Variants in PCDHA7 observed in about 807,000 individuals in gnomAD.
PCDHA7 encodes the protein protocadherin alpha-7.
A neutral mutation model predicts 57.2 loss-of-function variants in PCDHA7; 37 were observed. The observed-to-expected ratio is 0.65, with a 90% CI of 0.50 to 0.85. PCDHA7 has a LOEUF of 0.85. PCDHA7 is among the 40% of genes least tolerant of loss of function. PCDHA7 has a pLI of 0.00. For missense variants in PCDHA7, 1,188 were observed against 1,241.8 expected (o/e 0.96, Z 0.65); for synonymous variants, 553 against 558.8 (o/e 0.99, Z 0.15).
Position 140,835,509 on chromosome 5 carries a change from G to A in PCDHA7, c.1126G>A (p.Asp376Asn). ...GTVITLISVF[D>N]RDFGVNGQVT... Reference sequence around the variant, plus strand: ...CGTCATCACATTGATTAGCGTGTTTGACCGAGATTTTGGAGTCAACGGACA... The same window carrying A: ...CGTCATCACATTGATTAGCGTGTTTAACCGAGATTTTGGAGTCAACGGACA... The change falls in exon 1 of 4, where the codon GAC becomes AAC. Residue 376 changes from aspartate to asparagine, a missense_variant. Physicochemically the swap from Asp to Asn is conservative, Grantham distance 23. Around this residue, in one of 3 missense-constraint regions of PCDHA7, gnomAD observed 892 missense variants for 788.5 expected, o/e 1.13. Transcript: ENST00000525929. The A allele has an allele frequency of 6.2e-7, 1 of 1,613,944 alleles. No homozygotes were observed. The highest frequency in any genetic ancestry group is 8.5e-7 in the Non-Finnish European group (1 of 1,179,882).
chr5:140,979,157 A>G (rs2096837413), intron 2 of PCDHA7, 150 bp downstream of exon 2: 9 of 1,429,186 alleles, frequency 6.3e-6, no homozygotes, highest in Non-Finnish European at 8.3e-6. Context: ...CCCCATGTTT[A>G]TTCCTTGAAA....
intron 1 of PCDHA7, chr5:140,881,421 C>G: frequency 1.1e-6 from 1 of 907,614 alleles, no homozygotes; most frequent in South Asian, 5.1e-5. Context: ...GATATTAGTT[C>G]CAGGCATATT....
intron 1 of PCDHA7, among the ~76,000 whole-genome samples, chr5:140,947,975 A>G (rs572156919): frequency 5.8e-4 from 87 of 150,726 alleles, no homozygotes; most frequent in African/African-American, 1.9e-3. Context: ...TGTGCTACTC[A>G]TAGGTTTTTC....
chr5:140,890,724 CT>C (rs2062771629), intron 1 of PCDHA7, among the ~76,000 whole-genome samples: 2 of 152,108 alleles, frequency 1.3e-5, no homozygotes, highest in African/African-American at 2.4e-5. Context: ...TTTTTAATCC[CT>C]TTTGACTTAT....
At chr5:140,982,364 T>A in intron 2 of PCDHA7, 111 bp from the exon 3 acceptor site, 1 of 1,534,660 alleles carries the variant, frequency 6.5e-7, no homozygotes, top group Non-Finnish European at 8.8e-7. Flanking sequence ...ATGAGCAGAA[T>A]GTGTTAGCTG....
chr5:140,968,942 T>C (rs782129541), intron 1 of PCDHA7: 2 of 1,614,214 alleles, frequency 1.2e-6, no homozygotes, highest in South Asian at 2.2e-5. Context: ...AATCATCATT[T>C]TGAGCATCAT....
Position 140,856,863 on chromosome 5 carries a change from T to C in PCDHA7, c.2355+20125T>C. 4 of 1,595,256 alleles carry C rather than the reference T, an allele frequency of 2.5e-6. 1 individual carries two copies. Among genetic ancestry groups the C allele is most frequent in the Non-Finnish European group, 3.4e-6 (4 of 1,165,176 alleles). ...AACGCTTCTGATTCGGATGAAGGAA[T>C]AAACAAGGAAATGATGTATTCATTT... On this transcript the variant is annotated intron_variant, in intron 1 of 3. Transcript: ENST00000525929.
chr5:140,876,498 C>T, intron 1 of PCDHA7: 4 of 1,613,918 alleles, frequency 2.5e-6, no homozygotes, highest in Non-Finnish European at 2.5e-6. Flanking sequence ...AAGTTCTGGA[C>T]GTGAATGACA....
chr5:141,009,955 A>G lies in PCDHA7; in HGVS notation c.*18A>G, dbSNP rs782282264. 6.3e-7 allele frequency: 1 copy of G among 1,592,418 alleles called. No individual in the cohort carries two copies. Among genetic ancestry groups the G allele is most frequent in the African/African-American group, 1.4e-5 (1 of 73,350 alleles). ...ACCAGTGAGGTCCTCAAATGGAAAC[A>G]AGCCACTTAGCCAGTTTTTGTAATA... On this transcript the variant is annotated 3_prime_UTR_variant, in exon 4 of 4. Transcript: ENST00000525929.
chr5:140,869,873 A>C, intron 1 of PCDHA7: 8 of 1,610,644 alleles, frequency 5.0e-6, no homozygotes, highest in Non-Finnish European at 6.8e-6. Flanking sequence ...AATGCTGCTA[A>C]AGAAACTCTT....
At chr5:140,902,103 A>AT (rs1435105079) in intron 1 of PCDHA7, among the ~76,000 whole-genome samples, 1 of 151,172 alleles carries the variant, frequency 6.6e-6, no homozygotes, top group Non-Finnish European at 1.5e-5. Context: ...GAGTCTTTAG[A>AT]TTTTTTTAAA....
rs568082033 is a variant in PCDHA7, at chr5:140,926,946, AG to A, written c.2356-52002del. On this transcript the variant is annotated intron_variant, in intron 1 of 3. Transcript: ENST00000525929. ...GTTTGTGGGTTTCCTGCGGCGCTGC[AG>A]CGGGACAGCTCGAGTACTCAGTGCC... 60 of 1,590,228 alleles carry A rather than the reference AG, an allele frequency of 3.8e-5. No individual in the cohort carries two copies. The African/African-American group carries it at 7.7e-4, about 20-fold the overall frequency.
rs1554213921 is a variant in PCDHA7 at position 140,941,202 on chromosome 5, C to CTTTCTTTCTTTCTTTCTTT, written c.2356-37747_2356-37746insTTTCTTTCTTTCTTTCTTT. ...TCCTGCTTCTTTTTTTTTCTTTCTT[C>CTTTCTTTCTTTCTTTCTTT]CTTTCTTTCTTCCTTTCTTTCTTTC... On this transcript the variant is annotated intron_variant, in intron 1 of 3. Coordinates refer to ENST00000525929, the MANE Select transcript of PCDHA7 (RefSeq NM_018910.3). Among the ~76,000 whole-genome samples the CTTTCTTTCTTTCTTTCTTT allele has an allele frequency of 8.2e-4, 101 of 122,784 alleles. 3 individuals carry two copies. Among genetic ancestry groups the CTTTCTTTCTTTCTTTCTTT allele is most frequent in the East Asian group, 3.5e-3 (16 of 4,514 alleles). The allele number at this position is 122,784 out of a possible 152,430, so 80.6% of individuals were successfully genotyped here. A position where few individuals can be genotyped will look rare whatever the true frequency, so the allele number is the denominator to read the frequency against.
At chr5:140,929,386 GAA>G in intron 1 of PCDHA7, 1 of 1,511,328 alleles carries the variant, frequency 6.6e-7, no homozygotes, top group Non-Finnish European at 8.9e-7. Context: ...GCTGTGTTTT[GAA>G]ATATTTCTTA....
chr5:140,939,701 T>C (rs782486336), intron 1 of PCDHA7, among the ~76,000 whole-genome samples: 2 of 152,210 alleles, frequency 1.3e-5, no homozygotes, highest in Non-Finnish European at 2.9e-5. Context: ...GACATTATCA[T>C]TTGTGAGATA....
intron 1 of PCDHA7, among the ~76,000 whole-genome samples, chr5:140,898,794 T>G (rs1487494121): frequency 1.3e-5 from 2 of 152,236 alleles, no homozygotes; most frequent in East Asian, 3.8e-4. Flanking sequence ...ATGGCCATTT[T>G]CACGATACTG....
chr5:141,003,623 G>C (rs572368614), intron 3 of PCDHA7, among the ~76,000 whole-genome samples: 1 of 152,240 alleles, frequency 6.6e-6, no homozygotes, highest in East Asian at 1.9e-4. Flanking sequence ...CCAGAGGGCA[G>C]TTTTTAAAGT....
At position 140,924,761 on chromosome 5, in the gene PCDHA7, G is replaced by T. The variant is rs979984304; in HGVS notation, c.2356-54188G>T. On this transcript the variant is annotated intron_variant, in intron 1 of 3. Coordinates refer to ENST00000525929, the MANE Select transcript of PCDHA7 (RefSeq NM_018910.3). Reference sequence around the variant, plus strand: ...AATACAAAAATTAACCGAGCATGGTGGTGCGCGCTTGTAGTCCTAGCTACT... The same window carrying T: ...AATACAAAAATTAACCGAGCATGGTTGTGCGCGCTTGTAGTCCTAGCTACT... Among the ~76,000 whole-genome samples the T allele has an allele frequency of 5.3e-5, 8 of 151,864 alleles. No individual in the cohort carries two copies. The East Asian group carries it at 1.5e-3, about 29-fold the overall frequency.
Position 140,850,539 on chromosome 5 carries a change from G to A in PCDHA7, c.2355+13801G>A, listed in dbSNP as rs1310321897. 6.3e-7 allele frequency: 1 copy of A among 1,598,284 alleles called. No individual in the cohort carries two copies. Among genetic ancestry groups the A allele is most frequent in the Non-Finnish European group, 8.6e-7 (1 of 1,167,870 alleles). On this transcript the variant is annotated intron_variant, in intron 1 of 3. Coordinates refer to ENST00000525929, the MANE Select transcript of PCDHA7 (RefSeq NM_018910.3). ...CCAGGCGCCAAAGTCATCGTCGCGG[G>A]CGTCAGTGGGTGCCACGGGCCCCGA...
Sources: allele counts gnomAD v4.1 joint callset (sites outside exome capture counted in the v4.1 genomes callset), GRCh38; gene constraint gnomAD v4.1.1; regional missense constraint gnomAD v4.1.1; transcripts MANE v1.5; gene names NCBI Gene and HGNC (gene_info 2026-07-23, HGNC 2026-07-21).